FSIP2: variants seen among roughly 807,000 people sequenced by gnomAD.
FSIP2 encodes the protein fibrous sheath interacting protein 2.
A neutral mutation model predicts 510.5 loss-of-function variants in FSIP2; 367 were observed. The ratio of observed to expected loss-of-function variants is 0.72; its 90% CI spans 0.66 to 0.78. FSIP2 has a LOEUF of 0.78. FSIP2 is among the 30% of genes least tolerant of loss of function. The pLI is 0.00. For synonymous variants in FSIP2, 2,601 were observed against 2,732.2 expected, an observed-to-expected ratio of 0.95 and a Z score of 1.50; for missense variants, 7,594 against 7,901.7, an observed-to-expected ratio of 0.96 and a Z score of 1.48.
Position 185,800,587 on chromosome 2 carries a change from A to G in FSIP2, c.11281A>G (p.Ile3761Val). ...TCTCAATGTTGTATGTGAGAAACTT[A>G]TCAGAATACTTTTGGAAGAATGCAC... The part of the protein sequence containing the change: ...FLLNVVCEKL[I>V]RILLEECTST... The change falls in exon 17 of 23, where the codon ATC (isoleucine) becomes GTC (valine). Residue 3761 changes from isoleucine (I) to valine (V), a missense_variant. Ile to Val is a conservative substitution (Grantham distance 29). Transcript: ENST00000424728. The G allele has an allele frequency of 6.5e-7, 1 of 1,530,546 alleles. No individual in the cohort carries two copies. The highest frequency in any genetic ancestry group is 1.2e-5 in the South Asian group (1 of 83,112). 94.8% of individuals were successfully genotyped at this position (1,530,546 alleles called of 1,614,324 possible).
In FSIP2 at chr2:185,799,756, C is replaced by A. The variant is rs1170029404; in HGVS notation, c.10450C>A (p.Gln3484Lys). ...GTCAAGGAAAAAATATGAATCAAAA[C>A]AGTTCCTAAGAAACATATACGATGA... ...TWSRKKYESK[Q>K]FLRNIYDDSS... The change falls in exon 17 of 23, where the codon CAG becomes AAG. Residue 3484 changes from glutamine to lysine, a missense_variant. Gln to Lys is a moderately conservative substitution (Grantham distance 53, BLOSUM62 1). Transcript: ENST00000424728. The A allele has an allele frequency of 6.0e-6, 9 of 1,503,404 alleles. No individual in the cohort carries two copies. Among genetic ancestry groups the A allele is most frequent in the Non-Finnish European group, 8.0e-6 (9 of 1,129,382 alleles). The allele number at this position is 1,503,404 out of a possible 1,614,324, so 93.1% of individuals were successfully genotyped here.
At chr2:185,786,338 T>C (rs758990176) in intron 15 of FSIP2, 50 bp downstream of exon 15, 36 of 1,174,710 alleles carry the variant, frequency 3.1e-5, no homozygotes, top group Non-Finnish European at 4.1e-5. Flanking sequence ...TCATACTTTC[T>C]GATGCATCAT....
At chr2:185,756,999 T>C (rs1692258476) in intron 9 of FSIP2, among the ~76,000 whole-genome samples, 1 of 151,366 alleles carries the variant, frequency 6.6e-6, no homozygotes, top group African/African-American at 2.4e-5. Context: ...AGGATGTCTT[T>C]CTGCCTCAGA....
At chr2:185,778,815 CTTAT>C (rs1387783235) in intron 13 of FSIP2, among the ~76,000 whole-genome samples, 1 of 151,958 alleles carries the variant, frequency 6.6e-6, no homozygotes, top group African/African-American at 2.4e-5. Context: ...CACATATATA[CTTAT>C]TTTTTACTCC....
At chr2:185,768,665 C>T (rs561514349) in intron 13 of FSIP2, among the ~76,000 whole-genome samples, 35 of 151,902 alleles carry the variant, frequency 2.3e-4, no homozygotes, top group African/African-American at 5.1e-4. Context: ...CATACATGTG[C>T]GGGTTTGTTT....
intron 13 of FSIP2, among the ~76,000 whole-genome samples, chr2:185,775,658 T>C: frequency 6.6e-6 from 1 of 150,552 alleles, no homozygotes; most frequent in Non-Finnish European, 1.5e-5. Flanking sequence ...GTTTTTTGTT[T>C]TGTTTGTTTG....
chr2:185,829,169 A>G (rs1694066767), intron 21 of FSIP2, among the ~76,000 whole-genome samples: 1 of 151,982 alleles, frequency 6.6e-6, no homozygotes, highest in Middle Eastern at 3.4e-3. Context: ...ATTTCTGGCT[A>G]ATCTGGACTC....
rs561345452 is a variant in FSIP2 at position 185,803,226 on chromosome 2, C to A, written c.13920C>A (p.Gly4640=). 20 of 1,530,034 alleles carry A rather than the reference C, an allele frequency of 1.3e-5. No homozygotes were observed. In the African/African-American group the frequency reaches 1.7e-4, roughly 13 times the overall value. 94.8% of individuals were successfully genotyped at this position (1,530,034 alleles called of 1,614,324 possible). A position where few individuals can be genotyped will look rare whatever the true frequency, so the allele number is the denominator to read the frequency against. The change falls in exon 17 of 23, where the codon GGC becomes GGA. Residue 4640 remains glycine (G), a synonymous_variant. Coordinates refer to ENST00000424728, the MANE Select transcript of FSIP2 (RefSeq NM_173651.4). The part of the protein sequence containing the change: ...VLRKIFHRVV[G]IVQTKSIRDS... ...GAAAAATATTCCACAGGGTAGTAGGCATTGTACAAACAAAATCCATAAGAG... is the reference window on the plus strand; with the variant it reads ...GAAAAATATTCCACAGGGTAGTAGGAATTGTACAAACAAAATCCATAAGAG...
At position 185,783,254 on chromosome 2, in the gene FSIP2, AGTT is replaced by A. The variant is rs368445672; in HGVS notation, c.1469+496_1469+498del. On this transcript the variant is annotated intron_variant, in intron 14 of 22. Transcript: ENST00000424728. ...GGAAATTATGGCACTTAGAAGAGATAGTTGTTAAGCCCAGGGACTTTTCATTCT... is the reference window on the plus strand; with the variant it reads ...GGAAATTATGGCACTTAGAAGAGATAGTTAAGCCCAGGGACTTTTCATTCT... Among the ~76,000 whole-genome samples, 787 of 152,320 alleles carry A rather than the reference AGTT, an allele frequency of 5.2e-3. 10 individuals carry two copies. The highest frequency in any genetic ancestry group is 0.018 in the African/African-American group (755 of 41,572).
chr2:185,803,753 A>T lies in FSIP2; in HGVS notation c.14447A>T (p.Asp4816Val). 2 of 1,532,068 alleles carry T rather than the reference A, an allele frequency of 1.3e-6. No individual in the cohort carries two copies. Among genetic ancestry groups the T allele is most frequent in the Middle Eastern group, 3.4e-4 (2 of 5,950 alleles). The allele number at this position is 1,532,068 out of a possible 1,614,324, so 94.9% of individuals were successfully genotyped here. Residue 4816 changes from aspartate to valine, a missense_variant, in exon 17 of 23, where the codon GAT becomes GTT. Coordinates refer to ENST00000424728, the MANE Select transcript of FSIP2 (RefSeq NM_173651.4). ...SPLNTSAEQS[D>V]TTKSDLSNTV... Reference sequence around the variant, plus strand: ...TTGAACACCAGTGCAGAGCAGTCAGATACTACTAAATCAGACTTAAGTAAT... The same window carrying T: ...TTGAACACCAGTGCAGAGCAGTCAGTTACTACTAAATCAGACTTAAGTAAT...
At chr2:185,742,703 T>C (rs1325231133) in intron 2 of FSIP2, among the ~76,000 whole-genome samples, 1 of 152,234 alleles carries the variant, frequency 6.6e-6, no homozygotes, top group Non-Finnish European at 1.5e-5. Context: ...TTTTTGTTCA[T>C]TTTAAGATGA....
chr2:185,784,889 T>C (rs1324254846), intron 14 of FSIP2, among the ~76,000 whole-genome samples: 3 of 152,090 alleles, frequency 2.0e-5, no homozygotes, highest in Non-Finnish European at 4.4e-5. Context: ...TTTCTCAAGA[T>C]ACTTACCCTG....
intron 21 of FSIP2, 62 bp from the exon 22 acceptor site, chr2:185,831,751 G>T: frequency 1.0e-6 from 1 of 1,003,878 alleles, no homozygotes. Flanking sequence ...GAGGACTTAT[G>T]GGTATATCTA....
Position 185,790,878 on chromosome 2 carries a change from T to C in FSIP2, c.3742T>C (p.Ser1248Pro), listed in dbSNP as rs1462571146. 1 of 1,531,952 alleles carries C rather than the reference T, an allele frequency of 6.5e-7. No homozygotes were observed. Among genetic ancestry groups the C allele is most frequent in the Admixed American group, 2.0e-5 (1 of 50,556 alleles). 94.9% of individuals were successfully genotyped at this position (1,531,952 alleles called of 1,614,324 possible). A position where few individuals can be genotyped will look rare whatever the true frequency, so the allele number is the denominator to read the frequency against. Residue 1248 changes from serine to proline, a missense_variant, in exon 16 of 23, where the codon TCT becomes CCT. Physicochemically the swap from Ser to Pro is moderately conservative, Grantham distance 74. Transcript: ENST00000424728. ...TCCTGAAAAGCCTCCCTGGTTAAAA[T>C]CTGGAAAAAGTGAACCTAAACCTGT... ...VDPEKPPWLK[S>P]GKSEPKPVDD...
chr2:185,802,561 C>T lies in FSIP2; in HGVS notation c.13255C>T (p.His4419Tyr), dbSNP rs1693465532. 6.5e-7 allele frequency: 1 copy of T among 1,529,726 alleles called. No individual in the cohort carries two copies. The allele number at this position is 1,529,726 out of a possible 1,614,324, so 94.8% of individuals were successfully genotyped here. A position where few individuals can be genotyped will look rare whatever the true frequency, so the allele number is the denominator to read the frequency against. ...IVAAISDYLL[H>Y]PLFSGDFSAS... ...AGCAGCTATTTCAGATTACCTTCTTCATCCACTGTTTTCTGGGGATTTTTC... is the reference window on the plus strand; with the variant it reads ...AGCAGCTATTTCAGATTACCTTCTTTATCCACTGTTTTCTGGGGATTTTTC... The change falls in exon 17 of 23, where the codon CAT (histidine) becomes TAT (tyrosine). Residue 4419 changes from histidine to tyrosine, a missense_variant. His to Tyr is a moderately conservative substitution (Grantham distance 83). Coordinates refer to ENST00000424728, the MANE Select transcript of FSIP2 (RefSeq NM_173651.4).
rs1312081868 is a variant in FSIP2, at chr2:185,794,216, G to C, written c.7080G>C (p.Leu2360Phe). The change falls in exon 16 of 23, where the codon TTG becomes TTC. Residue 2360 changes from leucine (L) to phenylalanine (F), a missense_variant. By Grantham distance (22) the Leu-to-Phe change is conservative. Coordinates refer to ENST00000424728, the MANE Select transcript of FSIP2 (RefSeq NM_173651.4). ...TYADVIASAI[L>F]KLIKNDLDLE... is the part of the protein sequence containing the mutation. The stretch of plus-strand genomic sequence containing the variant: ...CTGACGTCATTGCCAGTGCCATTTT[G>C]AAGCTTATTAAAAATGACTTAGACT... 1 of 1,534,404 alleles carries C rather than the reference G, an allele frequency of 6.5e-7. No individual in the cohort carries two copies. The highest frequency in any genetic ancestry group is 2.4e-5 in the East Asian group (1 of 40,842).
chr2:185,745,454 A>C lies in FSIP2; in HGVS notation c.503A>C (p.Asn168Thr). The C allele has an allele frequency of 6.5e-7, 1 of 1,533,990 alleles. No homozygotes were observed. The highest frequency in any genetic ancestry group is 1.2e-5 in the South Asian group (1 of 83,974). The change falls in exon 5 of 23, where the codon AAC becomes ACC. Residue 168 changes from asparagine (N) to threonine (T), a missense_variant. By Grantham distance (65) the Asn-to-Thr change is moderately conservative (BLOSUM62 0). Coordinates refer to ENST00000424728, the MANE Select transcript of FSIP2 (RefSeq NM_173651.4). ...AGAATACTTGCAAAACAACTACATA[A>C]CATACCGGAAAACAATCAAATCCCT... ...EQRILAKQLH[N>T]IPENNQIPQH...
Position 185,793,535 on chromosome 2 carries a change from G to A in FSIP2, c.6399G>A (p.Met2133Ile). Residue 2133 changes from methionine to isoleucine, a missense_variant, in exon 16 of 23, where the codon ATG (methionine) becomes ATA (isoleucine). By Grantham distance (10) the Met-to-Ile change is conservative. Transcript: ENST00000424728. ...ADKHSEENSEMFMEGANKIIP... is the reference protein window; with the variant it reads ...ADKHSEENSEIFMEGANKIIP... ...AACATTCAGAAGAAAATTCTGAAAT[G>A]TTCATGGAGGGTGCAAATAAGATTA... 4 of 1,534,276 alleles carry A rather than the reference G, an allele frequency of 2.6e-6. No individual in the cohort carries two copies. The highest frequency in any genetic ancestry group is 3.5e-6 in the Non-Finnish European group (4 of 1,145,642).
At chr2:185,818,299 T>C (rs1334561852) in intron 19 of FSIP2, among the ~76,000 whole-genome samples, 1 of 151,536 alleles carries the variant, frequency 6.6e-6, no homozygotes, top group African/African-American at 2.4e-5. Flanking sequence ...GAAAAAAGAT[T>C]GAAAAAAAAG....
Sources: allele counts gnomAD v4.1 joint callset (sites outside exome capture counted in the v4.1 genomes callset), GRCh38; gene constraint gnomAD v4.1.1; transcripts MANE v1.5; gene names NCBI Gene and HGNC (gene_info 2026-07-23, HGNC 2026-07-21).